Variants in NWD2 observed in about 807,000 individuals in gnomAD.
NWD2 encodes the protein NACHT and WD repeat domain-containing protein 2.
In NWD2, 37 loss-of-function variants were observed where a neutral mutation model predicts 132.7. The ratio of observed to expected loss-of-function variants is 0.28; its 90% confidence interval spans 0.21 to 0.37. The LOEUF is 0.37. NWD2 is among the 10% of genes least tolerant of loss of function. The probability of loss-of-function intolerance (pLI) is 1.00; values close to 1 mark genes in which losing one functional copy is unlikely to be tolerated. For synonymous variants in NWD2, 705 were observed against 803.0 expected (o/e 0.88, Z 2.06); for missense variants, 1,592 against 2,122.4 (o/e 0.75, Z 4.91).
intron 3 of NWD2, among the ~76,000 whole-genome samples, chr4:37,416,806 G>T (rs1303437376): frequency 6.6e-6 from 1 of 152,144 alleles, no homozygotes; most frequent in East Asian, 1.9e-4. Flanking sequence ...GCAGCAACCC[G>T]GGTGGAATTG....
chr4:37,382,081 A>G (rs566014657), intron 3 of NWD2, among the ~76,000 whole-genome samples: 69 of 152,364 alleles, frequency 4.5e-4, no homozygotes, highest in Admixed American at 7.8e-4. Flanking sequence ...ATTTCTCAAG[A>G]GAGAAGAAAA....
chr4:37,407,425 G>A (rs988598494), intron 3 of NWD2, among the ~76,000 whole-genome samples: 3 of 152,176 alleles, frequency 2.0e-5, no homozygotes, highest in Non-Finnish European at 2.9e-5. Context: ...TACTCCCAAA[G>A]TTTGTGATTC....
chr4:37,273,518 G>A (rs928277189), intron 1 of NWD2, among the ~76,000 whole-genome samples: 2 of 151,820 alleles, frequency 1.3e-5, no homozygotes, highest in African/African-American at 4.8e-5. Context: ...ATTAGACAGA[G>A]CAATGAGACA....
At chr4:37,409,500 G>A (rs1171092638) in intron 3 of NWD2, among the ~76,000 whole-genome samples, 2 of 151,992 alleles carry the variant, frequency 1.3e-5, no homozygotes, top group Admixed American at 1.3e-4. Context: ...CAAGAAATAT[G>A]GGAGTATGTG....
chr4:37,447,259 C>A lies in NWD2; in HGVS notation c.*42C>A. On this transcript the variant is annotated 3_prime_UTR_variant, in exon 7 of 7. Transcript: ENST00000309447. ...TAAGCAGAAATATGTGATCCACGTA[C>A]AGAAGGGAAAAAAATGTGCCCCAAA... is the stretch of plus-strand genomic sequence containing the variant. The A allele has an allele frequency of 1.4e-6, 2 of 1,432,514 alleles. No individual in the cohort carries two copies. The highest frequency in any genetic ancestry group is 9.4e-7 in the Non-Finnish European group (1 of 1,064,248). The allele number at this position is 1,432,514 out of a possible 1,614,324, so 88.7% of individuals were successfully genotyped here.
chr4:37,379,710 G>A (rs953982587), intron 3 of NWD2, among the ~76,000 whole-genome samples: 12 of 152,104 alleles, frequency 7.9e-5, no homozygotes, highest in African/African-American at 2.9e-4. Flanking sequence ...TTTTGTTTTT[G>A]TTTTGCCAAG....
At chr4:37,386,362 A>T (rs1456818852) in intron 3 of NWD2, among the ~76,000 whole-genome samples, 1 of 152,180 alleles carries the variant, frequency 6.6e-6, no homozygotes. Context: ...AAAATTGAAC[A>T]TAGAAGTGTA....
At chr4:37,324,522 T>C (rs918961813) in intron 1 of NWD2, among the ~76,000 whole-genome samples, 19 of 152,260 alleles carry the variant, frequency 1.2e-4, no homozygotes, top group African/African-American at 4.6e-4. Context: ...ATGGGCATTC[T>C]GATCTCAAGA....
At chr4:37,342,944 TC>T (rs939903502) in intron 2 of NWD2, among the ~76,000 whole-genome samples, 36 of 152,270 alleles carry the variant, frequency 2.4e-4, no homozygotes, top group African/African-American at 7.2e-4. Context: ...AATCATGCCC[TC>T]CTATATATCC....
At chr4:37,384,083 A>T (rs906083555) in intron 3 of NWD2, among the ~76,000 whole-genome samples, 1 of 152,128 alleles carries the variant, frequency 6.6e-6, no homozygotes, top group African/African-American at 2.4e-5. Context: ...CCTCACATGC[A>T]TTAGCTGTTT....
chr4:37,285,651 A>G (rs1319671735), intron 1 of NWD2, among the ~76,000 whole-genome samples: 1 of 152,068 alleles, frequency 6.6e-6, no homozygotes, highest in African/African-American at 2.4e-5. Flanking sequence ...TTTTGGTTTC[A>G]TTTGAGCTGG....
intron 1 of NWD2, among the ~76,000 whole-genome samples, chr4:37,261,527 G>A (rs145237443): frequency 3.3e-5 from 5 of 152,222 alleles, no homozygotes; most frequent in African/African-American, 7.2e-5. Flanking sequence ...CATGAAACTC[G>A]CAAGAATCAT....
chr4:37,377,679 C>G (rs536971255), intron 3 of NWD2, among the ~76,000 whole-genome samples: 1 of 152,012 alleles, frequency 6.6e-6, no homozygotes, highest in African/African-American at 2.4e-5. Flanking sequence ...TGCGGTGAGC[C>G]GAGATCACGC....
At chr4:37,274,324 G>A (rs147635893) in intron 1 of NWD2, among the ~76,000 whole-genome samples, 26,547 of 151,964 alleles carry the variant, frequency 0.17, 2,672 homozygotes, top group South Asian at 0.32. Context: ...TAAACTAGAA[G>A]ATTTAGAAGA....
At chr4:37,323,148 G>A (rs1046011213) in intron 1 of NWD2, among the ~76,000 whole-genome samples, 1 of 152,116 alleles carries the variant, frequency 6.6e-6, no homozygotes, top group Non-Finnish European at 1.5e-5. Flanking sequence ...GGTCAGCAGT[G>A]ACTAAGGAAA....
intron 3 of NWD2, among the ~76,000 whole-genome samples, chr4:37,367,648 C>T (rs1720129158): frequency 6.6e-6 from 1 of 152,086 alleles, no homozygotes; most frequent in African/African-American, 2.4e-5. Flanking sequence ...AGTTAAAAAT[C>T]CTGATTACAC....
At chr4:37,287,324 G>C (rs1270602346) in intron 1 of NWD2, among the ~76,000 whole-genome samples, 6 of 151,632 alleles carry the variant, frequency 4.0e-5, no homozygotes, top group Admixed American at 3.9e-4. Flanking sequence ...TGCTGCCTTA[G>C]CCTTTTGAGC....
chr4:37,254,936 A>C (rs1266988486), intron 1 of NWD2, among the ~76,000 whole-genome samples: 1 of 152,204 alleles, frequency 6.6e-6, no homozygotes, highest in Non-Finnish European at 1.5e-5. Context: ...GAAACCACAA[A>C]ATTGAAAGCA....
intron 2 of NWD2, among the ~76,000 whole-genome samples, chr4:37,344,378 T>G (rs1719589323): frequency 1.3e-5 from 2 of 152,030 alleles, no homozygotes; most frequent in South Asian, 4.2e-4. Flanking sequence ...TAAAGACATA[T>G]GGGAAAGAAC....
Sources: gnomAD v4.1 joint callset for allele counts (sites outside exome capture counted in the v4.1 genomes callset) on GRCh38, gnomAD v4.1.1 for gene constraint, MANE v1.5 for transcripts, NCBI Gene and HGNC (gene_info 2026-07-23, HGNC 2026-07-21) for gene names.